PDGFRB: variants seen among roughly 807,000 people sequenced by gnomAD.
The protein encoded by PDGFRB is platelet-derived growth factor receptor beta.
A neutral mutation model predicts 120.2 loss-of-function variants in PDGFRB; 42 were observed. That is an observed-to-expected ratio of 0.35 (90% CI 0.27 to 0.45). The LOEUF (loss-of-function observed/expected upper bound fraction) is 0.45, where lower values mean the gene tolerates loss of function less well. Among genes scored for constraint, PDGFRB ranks in the 20% least tolerant of loss-of-function variants. The probability of loss-of-function intolerance (pLI) is 1.00; values close to 1 mark genes in which losing one functional copy is unlikely to be tolerated. For synonymous variants in PDGFRB, 586 were observed against 606.8 expected (o/e 0.97, Z 0.50); for missense variants, 1,149 against 1,476.3 (o/e 0.78, Z 3.63).
chr5:150,132,178 C>G lies in PDGFRB; in HGVS notation c.1128-84G>C, dbSNP rs1354186383. 1.4e-6 allele frequency: 1 copy of G among 739,410 alleles called. No homozygotes were observed. The highest frequency in any genetic ancestry group is 1.7e-5 in the African/African-American group (1 of 57,378). The allele number at this position is 739,410 out of a possible 1,614,324, so 45.8% of individuals were successfully genotyped here. ...CTCCTGGTATAAAGAGGAACAAGGC[C>G]CAGGGAGGGGAAGGGCTTGCCAAGG... On this transcript the variant is annotated intron_variant, in intron 7 of 22. Transcript: ENST00000261799. This position sits in a 1 kb window ranked among gnomAD's most constrained non-coding sequence, Gnocchi z 5.0.
rs186547906 is a variant in PDGFRB at position 150,135,034 on chromosome 5, G to A, written c.365-18C>T. ...GGTGGGATCTGCCAGGAGTGGAGCC[G>A]TGAATAAATCAGGGGAACTGGGTTT... On this transcript the variant is annotated intron_variant, in intron 3 of 22. Coordinates refer to ENST00000261799, the MANE Select transcript of PDGFRB (RefSeq NM_002609.4). The A allele has an allele frequency of 5.6e-5, 76 of 1,345,504 alleles. No homozygotes were observed. The highest frequency in any genetic ancestry group is 5.3e-4 in the African/African-American group (37 of 69,360). 83.3% of individuals were successfully genotyped at this position (1,345,504 alleles called of 1,614,324 possible). A position where few individuals can be genotyped will look rare whatever the true frequency, so the allele number is the denominator to read the frequency against.
At position 150,133,636 on chromosome 5, in the gene PDGFRB, T is replaced by C; in HGVS notation, c.884A>G (p.Glu295Gly). 6.2e-7 allele frequency: 1 copy of C among 1,614,112 alleles called. No homozygotes were observed. The highest frequency in any genetic ancestry group is 8.5e-7 in the Non-Finnish European group (1 of 1,179,954). Residue 295 changes from glutamate (E) to glycine (G), a missense_variant, in exon 6 of 23, where the codon GAG becomes GGG. Coordinates refer to ENST00000261799, the MANE Select transcript of PDGFRB (RefSeq NM_002609.4). ...TTCATCCTGATGGTCATTCACACTC[T>C]CCGTCACATTGCAGGTGTAGGTCCC... ...DSGTYTCNVT[E>G]SVNDHQDEKA...
chr5:150,122,635 C>T lies in PDGFRB; in HGVS notation c.2183+407G>A, dbSNP rs1760174679. On this transcript the variant is annotated intron_variant, in intron 15 of 22. Coordinates refer to ENST00000261799, the MANE Select transcript of PDGFRB (RefSeq NM_002609.4). ...TAAGAAGTGTTCTTTTTGGAAAAGA[C>T]AAAGACTGGAGTTGAGCTCCCTGAG... 2.6e-5 allele frequency among the ~76,000 whole-genome samples: 4 copies of T among 152,312 alleles called. No individual in the cohort carries two copies. The South Asian group carries it at 8.3e-4, about 32-fold the overall frequency.
chr5:150,120,754 A>T lies in PDGFRB; in HGVS notation c.2586+134T>A. The T allele has an allele frequency of 1.2e-6, 1 of 817,742 alleles. No homozygotes were observed. Among genetic ancestry groups the T allele is most frequent in the Non-Finnish European group, 2.0e-6 (1 of 510,610 alleles). The allele number at this position is 817,742 out of a possible 1,614,324, so 50.7% of individuals were successfully genotyped here. On this transcript the variant is annotated intron_variant, in intron 18 of 22. Transcript: ENST00000261799. The surrounding 1 kb of genome is among the most constrained non-coding windows in gnomAD (Gnocchi z 4.3). ...CATAGCTGGGCAGGCACAGCCCATC[A>T]CTGCTGTCAGGGCAGGCCACAAGGA... is the stretch of plus-strand genomic sequence containing the variant.
intron 10 of PDGFRB, among the ~76,000 whole-genome samples, chr5:150,128,444 A>C (rs955264682): frequency 3.9e-5 from 6 of 152,208 alleles, no homozygotes; most frequent in African/African-American, 1.4e-4. Flanking sequence ...GATGCCTCAC[A>C]TGGCCTTTGG....
At chr5:150,142,635 C>T (rs1287122917) in intron 1 of PDGFRB, among the ~76,000 whole-genome samples, 2 of 150,172 alleles carry the variant, frequency 1.3e-5, no homozygotes, top group African/African-American at 2.5e-5. Context: ...GTGGTCCCCC[C>T]TATCTGCAGG....
rs960620429 is a variant in PDGFRB, at chr5:150,113,914, G to C, written c.*1849C>G. On this transcript the variant is annotated 3_prime_UTR_variant, in exon 23 of 23. Transcript: ENST00000261799. ...AGTACACAGATAGAAAAACTCAACA[G>C]CATACAAAATAGCATTTCTGCTGTA... The C allele has an allele frequency of 3.8e-4, 89 of 233,072 alleles. 1 individual carries two copies. The highest frequency in any genetic ancestry group is 1.9e-3 in the African/African-American group (85 of 45,436). 14.4% of individuals were successfully genotyped at this position (233,072 alleles called of 1,614,324 possible).
At position 150,148,154 on chromosome 5, in the gene PDGFRB, A is replaced by C. The variant is rs1298457190; in HGVS notation, c.-7+7243T>G. On this transcript the variant is annotated intron_variant, in intron 1 of 22. Coordinates refer to ENST00000261799, the MANE Select transcript of PDGFRB (RefSeq NM_002609.4). ...TAGCACACTCGGCGATTCGGTGGCC[A>C]ACCTAAGGCCAGACCCATCTAATCA... Among the ~76,000 whole-genome samples the C allele has an allele frequency of 2.6e-5, 4 of 152,216 alleles. No homozygotes were observed. The East Asian group carries it at 7.7e-4, about 29-fold the overall frequency.
At chr5:150,116,639 A>G (rs1463180946) in intron 22 of PDGFRB, among the ~76,000 whole-genome samples, 1 of 151,628 alleles carries the variant, frequency 6.6e-6, no homozygotes, top group African/African-American at 2.4e-5. Context: ...AATAAAAATA[A>G]TAAAAAAAAA....
At chr5:150,124,555 G>T in intron 13 of PDGFRB, 172 bp downstream of exon 13, 1 of 618,524 alleles carries the variant, frequency 1.6e-6, no homozygotes, top group Non-Finnish European at 2.9e-6. Context: ...GCCAGGGAGA[G>T]GAACGCTCTT....
intron 11 of PDGFRB, 35 bp from the exon 12 acceptor site, chr5:150,125,612 G>A: frequency 1.2e-5 from 20 of 1,610,914 alleles, no homozygotes; most frequent in Non-Finnish European, 1.6e-5. Flanking sequence ...GTTATCAGAG[G>A]GAGTCTCAGG....
intron 1 of PDGFRB, among the ~76,000 whole-genome samples, chr5:150,141,184 T>C (rs370298024): frequency 1.4e-3 from 209 of 152,338 alleles, no homozygotes; most frequent in African/African-American, 4.9e-3. Context: ...ACAAAACACA[T>C]GTGCGCAGCT....
intron 11 of PDGFRB, among the ~76,000 whole-genome samples, chr5:150,126,102 T>C (rs966306156): frequency 6.6e-6 from 1 of 152,152 alleles, no homozygotes; most frequent in African/African-American, 2.4e-5. Context: ...AATCACAGAA[T>C]GGTAAAATCT....
At chr5:150,144,582 C>A (rs1276747222) in intron 1 of PDGFRB, among the ~76,000 whole-genome samples, 1 of 152,246 alleles carries the variant, frequency 6.6e-6, no homozygotes, top group Non-Finnish European at 1.5e-5. Context: ...GCCCCGCTCT[C>A]CTGCAGCAAA....
At chr5:150,140,651 C>T (rs1189692496) in intron 1 of PDGFRB, among the ~76,000 whole-genome samples, 1 of 151,708 alleles carries the variant, frequency 6.6e-6, no homozygotes, top group Non-Finnish European at 1.5e-5. Flanking sequence ...GAGTGGGGGG[C>T]CCCAAGTCTA....
intron 1 of PDGFRB, among the ~76,000 whole-genome samples, chr5:150,142,741 A>G (rs1760817384): frequency 6.6e-6 from 1 of 152,228 alleles, no homozygotes; most frequent in Non-Finnish European, 1.5e-5. Context: ...CATACCTATT[A>G]TAAAGTTTTA....
At chr5:150,136,327 G>C (rs1760631023) in intron 2 of PDGFRB, among the ~76,000 whole-genome samples, 2 of 152,226 alleles carry the variant, frequency 1.3e-5, no homozygotes, top group South Asian at 4.1e-4. Context: ...GAGGGGCTTA[G>C]GTAGCTCAGA....
intron 1 of PDGFRB, among the ~76,000 whole-genome samples, chr5:150,147,865 G>T (rs1348343430): frequency 6.6e-6 from 1 of 152,154 alleles, no homozygotes; most frequent in Non-Finnish European, 1.5e-5. Flanking sequence ...CTGGCACACA[G>T]CCCTCTGCAA....
intron 1 of PDGFRB, among the ~76,000 whole-genome samples, chr5:150,154,573 A>C (rs1017571684): frequency 1.3e-5 from 2 of 152,228 alleles, no homozygotes; most frequent in Non-Finnish European, 2.9e-5. Context: ...TTCTCCAGGC[A>C]CTGGGGAGCC....
Sources: allele counts gnomAD v4.1 joint callset (sites outside exome capture counted in the v4.1 genomes callset), GRCh38; gene constraint gnomAD v4.1.1; non-coding constraint Gnocchi (gnomAD v3.1); transcripts MANE v1.5; gene names NCBI Gene and HGNC (gene_info 2026-07-23, HGNC 2026-07-21).